MCC: variants seen among roughly 807,000 people sequenced by gnomAD.
MCC encodes the protein MCC regulator of Wnt signaling pathway.
In MCC, 90 loss-of-function variants were observed where a neutral mutation model predicts 116.2. That is an observed-to-expected ratio of 0.77 (90% CI 0.65 to 0.92). The LOEUF is 0.92. MCC is among the 40% of genes least tolerant of loss of function. MCC has a pLI of 0.00. For synonymous variants in MCC, 578 were observed against 510.5 expected (o/e 1.13, Z -1.78); for missense variants, 1,516 against 1,312.2 (o/e 1.16, Z -2.40).
At chr5:113,203,293 G>C (rs1270771313) in intron 3 of MCC, 1 of 152,350 alleles carries the variant, frequency 6.6e-6, no homozygotes, top group African/African-American at 2.4e-5. Flanking sequence ...GTGTGGTGGA[G>C]GCACAGTCCG....
chr5:113,146,866 A>G (rs1759556111), intron 4 of MCC, among the ~76,000 whole-genome samples: 1 of 152,144 alleles, frequency 6.6e-6, no homozygotes, highest in Non-Finnish European at 1.5e-5. Flanking sequence ...TCCTCCTCCC[A>G]GCCCATATTC....
At chr5:113,059,057 T>C (rs756644840) in intron 14 of MCC, among the ~76,000 whole-genome samples, 7 of 151,926 alleles carry the variant, frequency 4.6e-5, no homozygotes, top group African/African-American at 1.5e-4. Context: ...CTGCCACCCT[T>C]AGGGCCCGGA....
chr5:113,214,028 T>G (rs1048097237), intron 3 of MCC, among the ~76,000 whole-genome samples: 20 of 152,288 alleles, frequency 1.3e-4, no homozygotes, highest in African/African-American at 4.6e-4. Context: ...AGGACTGATG[T>G]TTTTTGCAAT....
At position 113,195,636 on chromosome 5, in the gene MCC, G is replaced by A. The variant is rs76746501; in HGVS notation, c.628-44214C>T. 6.7e-3 allele frequency among the ~76,000 whole-genome samples: 1,024 copies of A among 152,208 alleles called. 22 individuals are homozygous for A. The highest frequency in any genetic ancestry group is 0.06 in the East Asian group (311 of 5,188). On this transcript the variant is annotated intron_variant, in intron 3 of 18. Coordinates refer to ENST00000408903, the MANE Select transcript of MCC (RefSeq NM_001085377.2). ...AATCTTAAGCACCCTTAGAAGAAAT[G>A]GGCTGGAAGAAAAAGCCAGATGGAG...
chr5:113,477,459 G>A (rs920728752), intron 1 of MCC, among the ~76,000 whole-genome samples: 1 of 152,136 alleles, frequency 6.6e-6, no homozygotes, highest in African/African-American at 2.4e-5. Flanking sequence ...ATGATTTTCA[G>A]ACATCATATA....
At chr5:113,091,906 CACAA>C (rs1157336862) in intron 8 of MCC, among the ~76,000 whole-genome samples, 1 of 141,958 alleles carries the variant, frequency 7.0e-6, no homozygotes. Flanking sequence ...ACACACACCA[CACAA>C]ACACACACAC....
At chr5:113,177,518 T>G (rs1352813228) in intron 3 of MCC, among the ~76,000 whole-genome samples, 1 of 152,204 alleles carries the variant, frequency 6.6e-6, no homozygotes, top group Non-Finnish European at 1.5e-5. Flanking sequence ...TCCAATGACT[T>G]CAGTCACACA....
At chr5:113,269,073 G>T in intron 3 of MCC, 1 of 675,730 alleles carries the variant, frequency 1.5e-6, no homozygotes, top group Non-Finnish European at 1.8e-6. Flanking sequence ...CAGATGGGTG[G>T]GTGAATATTT....
intron 6 of MCC, among the ~76,000 whole-genome samples, chr5:113,115,130 G>C (rs112791638): frequency 6.6e-6 from 1 of 152,190 alleles, no homozygotes; most frequent in Non-Finnish European, 1.5e-5. Context: ...GGCCATCACG[G>C]AGTTTTGCTC....
rs1751870894 is a variant in MCC, at chr5:113,043,562, C to G, written c.2724G>C (p.Glu908Asp). 1 of 1,614,066 alleles carries G rather than the reference C, an allele frequency of 6.2e-7. No homozygotes were observed. The highest frequency in any genetic ancestry group is 1.3e-5 in the African/African-American group (1 of 74,942). ...TGGCGTTGGTGAACTCCGCAGCCAG[C>G]TCATTCTCGCTGCACGTTGTCCTGA... ...AELRTTCSENELAAEFTNAIR... is the reference protein window; with the variant it reads ...AELRTTCSENDLAAEFTNAIR... The change falls in exon 17 of 19, where the codon GAG becomes GAC. Residue 908 changes from glutamate (E) to aspartate (D), a missense_variant. By Grantham distance (45) the Glu-to-Asp change is conservative (BLOSUM62 2). Transcript: ENST00000408903.
chr5:113,161,548 G>C (rs1019858776), intron 3 of MCC, among the ~76,000 whole-genome samples: 2 of 152,128 alleles, frequency 1.3e-5, no homozygotes, highest in Admixed American at 1.3e-4. Flanking sequence ...GAAGTGCTTT[G>C]AAGAGACCCT....
chr5:113,297,564 CA>C (rs201247852), intron 3 of MCC, among the ~76,000 whole-genome samples: 4 of 147,816 alleles, frequency 2.7e-5, no homozygotes, highest in Non-Finnish European at 3.0e-5. Context: ...GACACCATCT[CA>C]AAAAAAAATA....
At position 113,402,124 on chromosome 5, in the gene MCC, C is replaced by T. The variant is rs189620412; in HGVS notation, c.171-16912G>A. Reference sequence around the variant, plus strand: ...CCTGGCTAACACGGTGGAATCCCGTCTCTACTAAAAATACAAAAAATTAGC... The same window carrying T: ...CCTGGCTAACACGGTGGAATCCCGTTTCTACTAAAAATACAAAAAATTAGC... On this transcript the variant is annotated intron_variant, in intron 1 of 18. Transcript: ENST00000408903. Among the ~76,000 whole-genome samples, 16 of 152,034 alleles carry T rather than the reference C, an allele frequency of 1.1e-4. No homozygotes were observed. The East Asian group carries it at 2.9e-3, about 28-fold the overall frequency.
Position 113,081,225 on chromosome 5 carries a change from A to G in MCC, c.1784+1635T>C, listed in dbSNP as rs148965548. Among the ~76,000 whole-genome samples, 8 of 152,326 alleles carry G rather than the reference A, an allele frequency of 5.3e-5. No individual in the cohort carries two copies. The East Asian group carries it at 1.2e-3, about 22-fold the overall frequency. ...AGGTTCCCGCAGCAGCTAGGATCAC[A>G]GAGATGACAATGGAGGTGAGGTCAA... On this transcript the variant is annotated intron_variant, in intron 11 of 18. Coordinates refer to ENST00000408903, the MANE Select transcript of MCC (RefSeq NM_001085377.2).
At chr5:113,224,047 C>T (rs1763645221) in intron 3 of MCC, among the ~76,000 whole-genome samples, 1 of 152,122 alleles carries the variant, frequency 6.6e-6, no homozygotes, top group Non-Finnish European at 1.5e-5. Context: ...TCAAGGAATG[C>T]TCATACCAAT....
chr5:113,463,551 C>T (rs564013954), intron 1 of MCC, among the ~76,000 whole-genome samples: 54 of 152,224 alleles, frequency 3.5e-4, no homozygotes, highest in African/African-American at 1.3e-3. Flanking sequence ...TCTGGCTTCC[C>T]GTAAGTGGGT....
intron 3 of MCC, among the ~76,000 whole-genome samples, chr5:113,251,292 A>G (rs1581318860): frequency 6.6e-6 from 1 of 152,354 alleles, no homozygotes; most frequent in East Asian, 1.9e-4. Flanking sequence ...CGTTTTTTTA[A>G]GTTGGTATTG....
intron 13 of MCC, among the ~76,000 whole-genome samples, chr5:113,065,284 G>A (rs1580969446): frequency 6.6e-6 from 1 of 152,236 alleles, no homozygotes; most frequent in Non-Finnish European, 1.5e-5. Context: ...GGCCGTGCAT[G>A]TTGAGGGTTG....
chr5:113,063,854 C>T (rs116486822), intron 14 of MCC, 130 bp downstream of exon 14: 49,899 of 948,394 alleles, frequency 0.053, 1,519 homozygotes, highest in Admixed American at 0.11. Context: ...GAGCAGGCTG[C>T]ATGCCAGAAG....
Sources: gnomAD v4.1 joint callset for allele counts (sites outside exome capture counted in the v4.1 genomes callset) on GRCh38, gnomAD v4.1.1 for gene constraint, MANE v1.5 for transcripts, NCBI Gene and HGNC (gene_info 2026-07-23, HGNC 2026-07-21) for gene names.